The following BSN variants were observed in gnomAD, a reference collection of about 807,000 sequenced individuals.
The protein encoded by BSN is bassoon presynaptic cytomatrix protein.
A neutral mutation model predicts 264.8 loss-of-function variants in BSN; 57 were observed. That is an observed-to-expected ratio of 0.22 (90% CI 0.17 to 0.27). BSN has a LOEUF of 0.27. BSN is among the 10% of genes least tolerant of loss of function. The probability of loss-of-function intolerance (pLI) is 1.00; values close to 1 mark genes in which losing one functional copy is unlikely to be tolerated. For missense variants in BSN, 4,615 were observed against 5,232.5 expected (o/e 0.88, Z 3.64); for synonymous variants, 2,059 against 2,137.3 (o/e 0.96, Z 1.01).
chr3:49,651,152 G>T lies in BSN; in HGVS notation c.1986+73G>T. 9.6e-6 allele frequency: 14 copies of T among 1,460,224 alleles called. No homozygotes were observed. Among genetic ancestry groups the T allele is most frequent in the Non-Finnish European group, 1.3e-5 (14 of 1,093,138 alleles). 90.5% of individuals were successfully genotyped at this position (1,460,224 alleles called of 1,614,324 possible). On this transcript the variant is annotated intron_variant, in intron 4 of 11. Transcript: ENST00000296452. The surrounding 1 kb of genome is among the most constrained non-coding windows in gnomAD (Gnocchi z 5.4). ...TCTATGGAAAGGCTTGCCTCCCTGG[G>T]TGGCTGAGGCTGTAGGCTCAGGACA...
chr3:49,663,927 AC>A, intron 8 of BSN, 41 bp downstream of exon 8: 1 of 1,586,330 alleles, frequency 6.3e-7, no homozygotes, highest in Non-Finnish European at 8.6e-7. Context: ...GGCCCAGAGC[AC>A]CCAGGCTGTT....
Position 49,559,227 on chromosome 3 carries a change from G to A in BSN, c.224+4401G>A, listed in dbSNP as rs541481279. Among the ~76,000 whole-genome samples, 174 of 152,126 alleles carry A rather than the reference G, an allele frequency of 1.1e-3. 4 individuals are homozygous for A. The South Asian group carries it at 0.033, about 29-fold the overall frequency. On this transcript the variant is annotated intron_variant, in intron 1 of 11. Transcript: ENST00000296452. ...CAGGCATGAGCCACTGTGCCTGGCC[G>A]AGAAATGCTATCTTAAACATTTTTT...
At chr3:49,571,441 C>A (rs1028090949) in intron 1 of BSN, among the ~76,000 whole-genome samples, 1 of 152,030 alleles carries the variant, frequency 6.6e-6, no homozygotes, top group African/African-American at 2.4e-5. Context: ...GGGCACAGGC[C>A]TCTGGGTAGA....
At chr3:49,621,422 A>T (rs908042338) in intron 1 of BSN, among the ~76,000 whole-genome samples, 2 of 152,192 alleles carry the variant, frequency 1.3e-5, no homozygotes, top group African/African-American at 4.8e-5. Flanking sequence ...AAGAATCTGC[A>T]GAAGAGATTA....
rs1381905339 is a variant in BSN at position 49,657,022 on chromosome 3, C to T, written c.7466C>T (p.Pro2489Leu). ...TGTGAGGCACCTGGCCGAGGGCCTC[C>T]CCTAGCGGCTGCTGAGTTGGCCCAG... Reference protein sequence around the residue: ...AACEAPGRGPPLAAAELAQNG... With the variant: ...AACEAPGRGPLLAAAELAQNG... The change falls in exon 5 of 12, where the codon CCC (proline) becomes CTC (leucine). Residue 2489 changes from proline to leucine, a missense_variant. Physicochemically the swap from Pro to Leu is moderately conservative, Grantham distance 98 (BLOSUM62 -3). This residue lies in a region of BSN where 3,415 missense variants were observed against 3,866.4 expected (regional missense o/e 0.88). Transcript: ENST00000296452. 8.7e-6 allele frequency: 14 copies of T among 1,610,356 alleles called. No homozygotes were observed. The highest frequency in any genetic ancestry group is 1.2e-5 in the Non-Finnish European group (14 of 1,177,742).
At chr3:49,584,701 T>G (rs1361183849) in intron 1 of BSN, among the ~76,000 whole-genome samples, 1 of 152,194 alleles carries the variant, frequency 6.6e-6, no homozygotes, top group Non-Finnish European at 1.5e-5. Context: ...CACCTTGTTG[T>G]GCTATCAAAT....
rs376493854 is a variant in BSN, at chr3:49,660,950, C to G, written c.9105C>G (p.Phe3035Leu). The change falls in exon 6 of 12, where the codon TTC becomes TTG. Residue 3035 changes from phenylalanine to leucine, a missense_variant. By Grantham distance (22) the Phe-to-Leu change is conservative. Coordinates refer to ENST00000296452, the MANE Select transcript of BSN (RefSeq NM_003458.4). The surrounding 1 kb of genome is among the most constrained non-coding windows in gnomAD (Gnocchi z 7.1). Reference protein sequence around the residue: ...CTTPAGQFVDFPATAAAPATP... With the variant: ...CTTPAGQFVDLPATAAAPATP... ...CTCCCGCTGGCCAGTTTGTGGACTT[C>G]CCTGCCACTGCCGCTGCTCCTGCCA... 3.7e-6 allele frequency: 6 copies of G among 1,612,040 alleles called. No individual in the cohort carries two copies. In the African/African-American group the frequency reaches 8.0e-5, roughly 22 times the overall value.
rs1324195958 is a variant in BSN at position 49,653,176 on chromosome 3, G to A, written c.3620G>A (p.Gly1207Glu). 6.2e-7 allele frequency: 1 copy of A among 1,611,574 alleles called. No individual in the cohort carries two copies. Among genetic ancestry groups the A allele is most frequent in the African/African-American group, 1.3e-5 (1 of 74,798 alleles). ...LLQRQQGQAA[G>E]ARGPHGGPSQ... Reference sequence around the variant, plus strand: ...CAGAGGCAGCAAGGCCAGGCAGCAGGGGCCCGGGGACCCCATGGCGGCCCC... The same window carrying A: ...CAGAGGCAGCAAGGCCAGGCAGCAGAGGCCCGGGGACCCCATGGCGGCCCC... Residue 1207 changes from glycine to glutamate, a missense_variant, in exon 5 of 12, where the codon GGG becomes GAG. Gly to Glu is a moderately conservative substitution (Grantham distance 98). Coordinates refer to ENST00000296452, the MANE Select transcript of BSN (RefSeq NM_003458.4). This position sits in a 1 kb window ranked among gnomAD's most constrained non-coding sequence, Gnocchi z 6.3.
Position 49,657,935 on chromosome 3 carries a change from C to T in BSN, c.8379C>T (p.Val2793=). ...VSRQPPKSPQ[V]LYSPVSPLSP... ...GCCAGCCTCCCAAGTCCCCTCAGGTCCTCTACTCACCAGTCTCACCCCTGT... is the reference window on the plus strand; with the variant it reads ...GCCAGCCTCCCAAGTCCCCTCAGGTTCTCTACTCACCAGTCTCACCCCTGT... Residue 2793 remains valine (V), a synonymous_variant, in exon 5 of 12, where the codon GTC becomes GTT. Coordinates refer to ENST00000296452, the MANE Select transcript of BSN (RefSeq NM_003458.4). 4 of 1,613,510 alleles carry T rather than the reference C, an allele frequency of 2.5e-6. No individual in the cohort carries two copies. Among genetic ancestry groups the T allele is most frequent in the Non-Finnish European group, 3.4e-6 (4 of 1,179,670 alleles).
At chr3:49,592,750 CAA>C (rs773509322) in intron 1 of BSN, among the ~76,000 whole-genome samples, 16 of 112,854 alleles carry the variant, frequency 1.4e-4, no homozygotes, top group Non-Finnish European at 1.5e-4. Context: ...GACTCCATCT[CAA>C]AAAAAAAAAA....
At chr3:49,592,723 C>G (rs902524890) in intron 1 of BSN, among the ~76,000 whole-genome samples, 10 of 151,114 alleles carry the variant, frequency 6.6e-5, no homozygotes, top group South Asian at 6.3e-4. Context: ...TGCACTCTGG[C>G]CCGGGTGACA....
chr3:49,664,688 C>T (rs901651824), intron 9 of BSN, 111 bp from the exon 10 acceptor site: 51 of 1,543,422 alleles, frequency 3.3e-5, no homozygotes, highest in Admixed American at 1.8e-4. Flanking sequence ...AGTTGTTCTC[C>T]GGGCAATCTC....
intron 1 of BSN, among the ~76,000 whole-genome samples, chr3:49,611,672 T>C (rs1259399646): frequency 8.5e-5 from 13 of 152,262 alleles, no homozygotes. Flanking sequence ...AGATACCTGG[T>C]TGGCCTAGAA....
intron 2 of BSN, among the ~76,000 whole-genome samples, chr3:49,632,783 CTG>C (rs1041386950): frequency 4.0e-5 from 6 of 151,490 alleles, no homozygotes. Flanking sequence ...CAGAGCCAGA[CTG>C]TGTCTAAAAA....
At position 49,642,850 on chromosome 3, in the gene BSN, C is replaced by T. The variant is rs767550691; in HGVS notation, c.1216C>T (p.Pro406Ser). 6.2e-7 allele frequency: 1 copy of T among 1,613,486 alleles called. No homozygotes were observed. Among genetic ancestry groups the T allele is most frequent in the Non-Finnish European group, 8.5e-7 (1 of 1,179,858 alleles). ...GPKPLGSGPG[P>S]GPAPGAKTEP... ...AAAACCCTTGGGCTCAGGGCCCGGGCCTGGGCCAGCACCTGGAGCCAAAAC... is the reference window on the plus strand; with the variant it reads ...AAAACCCTTGGGCTCAGGGCCCGGGTCTGGGCCAGCACCTGGAGCCAAAAC... Residue 406 changes from proline to serine, a missense_variant, in exon 3 of 12, where the codon CCT becomes TCT. Around this residue, in one of 3 missense-constraint regions of BSN, gnomAD observed 1,197 missense variants for 1,348.0 expected, o/e 0.89. Transcript: ENST00000296452. The surrounding 1 kb of genome is among the most constrained non-coding windows in gnomAD (Gnocchi z 7.0).
Position 49,654,958 on chromosome 3 carries a change from G to A in BSN, c.5402G>A (p.Arg1801Lys). Residue 1801 changes from arginine to lysine, a missense_variant, in exon 5 of 12, where the codon AGA becomes AAA. By Grantham distance (26) the Arg-to-Lys change is conservative (BLOSUM62 2). Coordinates refer to ENST00000296452, the MANE Select transcript of BSN (RefSeq NM_003458.4). This position sits in a 1 kb window ranked among gnomAD's most constrained non-coding sequence, Gnocchi z 4.1. ...RGRPREAKFA[R>K]YNLPNQVAPL... ...AGACCCAGGGAGGCCAAGTTTGCCA[G>A]ATATAACCTACCCAACCAAGTAGCT... 6.2e-7 allele frequency: 1 copy of A among 1,612,602 alleles called. No homozygotes were observed.
At position 49,656,818 on chromosome 3, in the gene BSN, C is replaced by T. The variant is rs2052607044; in HGVS notation, c.7262C>T (p.Thr2421Ile). 1 of 1,596,628 alleles carries T rather than the reference C, an allele frequency of 6.3e-7. No individual in the cohort carries two copies. Residue 2421 changes from threonine to isoleucine, a missense_variant, in exon 5 of 12, where the codon ACC becomes ATC. Physicochemically the swap from Thr to Ile is moderately conservative, Grantham distance 89 (BLOSUM62 -1). Around this residue, in one of 3 missense-constraint regions of BSN, gnomAD observed 3,415 missense variants for 3,866.4 expected, o/e 0.88. Coordinates refer to ENST00000296452, the MANE Select transcript of BSN (RefSeq NM_003458.4). The stretch of plus-strand genomic sequence containing the variant: ...CAGCGGGAGTTGCAGGAGCTGCAGA[C>T]CATCAAGCACCATGTGCTGCAGCAG... ...LVQRELQELQ[T>I]IKHHVLQQQQ...
intron 1 of BSN, among the ~76,000 whole-genome samples, chr3:49,557,036 T>A (rs1032492694): frequency 6.6e-6 from 1 of 152,150 alleles, no homozygotes; most frequent in Non-Finnish European, 1.5e-5. Context: ...CTGAGCTGAG[T>A]TGGACTCTGT....
intron 1 of BSN, among the ~76,000 whole-genome samples, chr3:49,574,673 T>C (rs1415563015): frequency 7.2e-6 from 1 of 139,166 alleles, no homozygotes; most frequent in Non-Finnish European, 1.5e-5. Context: ...TCTCACTCTG[T>C]CACCGAGGCT....
Sources: gnomAD v4.1 joint callset for allele counts (sites outside exome capture counted in the v4.1 genomes callset) on GRCh38, gnomAD v4.1.1 for gene constraint, gnomAD v4.1.1 regional missense constraint, Gnocchi (gnomAD v3.1) non-coding constraint, MANE v1.5 for transcripts, NCBI Gene and HGNC (gene_info 2026-07-23, HGNC 2026-07-21) for gene names.